The following STARD9 variants were observed in gnomAD, a reference collection of about 807,000 sequenced individuals.
STARD9 encodes the protein StAR related lipid transfer domain containing 9, also known as stAR-related lipid transfer protein 9.
A neutral mutation model predicts 399.8 loss-of-function variants in STARD9; 346 were observed. The observed-to-expected ratio is 0.87, with a 90% CI of 0.79 to 0.95. The LOEUF (loss-of-function observed/expected upper bound fraction) is 0.95, where lower values mean the gene tolerates loss of function less well. Ranked by LOEUF, STARD9 falls within the 40% of genes least tolerant of loss-of-function variation. The pLI is 0.00. For synonymous variants in STARD9, 2,203 were observed against 2,143.5 expected (o/e 1.03, Z -0.77); for missense variants, 5,832 against 5,667.5 (o/e 1.03, Z -0.93).
chr15:42,674,328 G>A (rs1355566344), intron 16 of STARD9, 112 bp from the exon 17 acceptor site: 2 of 863,262 alleles, frequency 2.3e-6, no homozygotes, highest in Non-Finnish European at 1.8e-6. Flanking sequence ...GGGATGAGAA[G>A]TGGTACAGAT....
At chr15:42,707,319 G>T (rs1223141116) in intron 26 of STARD9, among the ~76,000 whole-genome samples, 1 of 152,176 alleles carries the variant, frequency 6.6e-6, no homozygotes, top group South Asian at 2.1e-4. Flanking sequence ...GGCATTATTT[G>T]AAGTGGCAAT....
intron 9 of STARD9, among the ~76,000 whole-genome samples, chr15:42,653,274 A>C (rs2059800312): frequency 6.6e-6 from 1 of 152,214 alleles, no homozygotes; most frequent in Non-Finnish European, 1.5e-5. Flanking sequence ...GTCAAGTCAT[A>C]TCCCCAAAAA....
chr15:42,677,445 C>T (rs1206803993), intron 20 of STARD9, among the ~76,000 whole-genome samples: 1 of 152,188 alleles, frequency 6.6e-6, no homozygotes, highest in Non-Finnish European at 1.5e-5. Flanking sequence ...ACAAGGTGGA[C>T]TCAGGACTTA....
At chr15:42,601,394 G>A (rs971550458) in intron 3 of STARD9, among the ~76,000 whole-genome samples, 14 of 152,062 alleles carry the variant, frequency 9.2e-5, no homozygotes, top group African/African-American at 3.4e-4. Flanking sequence ...CCTCCCGACG[G>A]GGTGGCGGCC....
chr15:42,713,040 G>A (rs2061279068), intron 26 of STARD9, among the ~76,000 whole-genome samples: 1 of 152,214 alleles, frequency 6.6e-6, no homozygotes, highest in Non-Finnish European at 1.5e-5. Flanking sequence ...AATTGGGGGA[G>A]CATTGCTATC....
At chr15:42,712,383 C>T (rs565180029) in intron 26 of STARD9, among the ~76,000 whole-genome samples, 1 of 151,158 alleles carries the variant, frequency 6.6e-6, no homozygotes, top group South Asian at 2.1e-4. Context: ...ATCTAAGAAA[C>T]GAGTGCCTAA....
At chr15:42,705,218 G>A (rs1420351604) in intron 26 of STARD9, among the ~76,000 whole-genome samples, 2 of 152,170 alleles carry the variant, frequency 1.3e-5, no homozygotes, top group Non-Finnish European at 2.9e-5. Context: ...GTTGGGGAAG[G>A]GTTGGTACAG....
intron 7 of STARD9, among the ~76,000 whole-genome samples, chr15:42,649,581 C>T (rs1418390370): frequency 2.1e-5 from 3 of 142,928 alleles, no homozygotes; most frequent in Admixed American, 1.4e-4. Flanking sequence ...TTTTTTGAAA[C>T]GAAGTTTTGC....
intron 1 of STARD9, chr15:42,581,638 C>G (rs2058173618): frequency 1.6e-6 from 1 of 624,368 alleles, no homozygotes; most frequent in Non-Finnish European, 2.8e-6. Flanking sequence ...GCCCCTGCCG[C>G]CAGCCGATCC....
At chr15:42,661,119 T>C (rs1363700259) in intron 9 of STARD9, 39 bp from the exon 10 acceptor site, 1 of 1,430,714 alleles carries the variant, frequency 7.0e-7, no homozygotes, top group South Asian at 1.2e-5. Context: ...ACAATACAAA[T>C]CGTTCCAAAT....
chr15:42,711,614 C>T (rs551486728), intron 26 of STARD9, among the ~76,000 whole-genome samples: 1 of 152,254 alleles, frequency 6.6e-6, no homozygotes, highest in Admixed American at 6.5e-5. Flanking sequence ...GTGATTTAAC[C>T]CACAACAAGG....
intron 3 of STARD9, among the ~76,000 whole-genome samples, chr15:42,593,856 G>C (rs1206059753): frequency 1.3e-5 from 2 of 151,504 alleles, no homozygotes; most frequent in African/African-American, 2.4e-5. Flanking sequence ...TTTTAGTAGA[G>C]ACGGGGTTTC....
chr15:42,660,507 G>A (rs1483858945), intron 9 of STARD9, among the ~76,000 whole-genome samples: 1 of 151,524 alleles, frequency 6.6e-6, no homozygotes, highest in Non-Finnish European at 1.5e-5. Context: ...AGAGGTTGCA[G>A]TGGGCCGAGA....
At position 42,646,840 on chromosome 15, in the gene STARD9, GC is replaced by G. The variant is rs532640831; in HGVS notation, c.560-4175del. 5.9e-5 allele frequency among the ~76,000 whole-genome samples: 9 copies of G among 152,232 alleles called. No individual in the cohort carries two copies. The East Asian group carries it at 9.7e-4, about 16-fold the overall frequency. On this transcript the variant is annotated intron_variant, in intron 7 of 32. Coordinates refer to ENST00000290607, the MANE Select transcript of STARD9 (RefSeq NM_020759.3). ...TCCTTGCTAAACTTCAGCGTTTCTA[GC>G]TTTTGATTTAAAATGAGAGACTCTT...
chr15:42,711,407 C>T (rs1331511652), intron 26 of STARD9, among the ~76,000 whole-genome samples: 2 of 152,224 alleles, frequency 1.3e-5, no homozygotes, highest in Non-Finnish European at 2.9e-5. Context: ...TCCCAAAGTG[C>T]TGGGATTACA....
intron 7 of STARD9, among the ~76,000 whole-genome samples, chr15:42,642,180 G>A (rs536662900): frequency 8.1e-4 from 123 of 152,250 alleles, no homozygotes; most frequent in African/African-American, 2.9e-3. Flanking sequence ...AATTTATTGA[G>A]TACCTACAAG....
intron 2 of STARD9, 147 bp from the exon 3 acceptor site, chr15:42,585,374 G>T: frequency 1.8e-6 from 1 of 545,042 alleles, no homozygotes; most frequent in Non-Finnish European, 3.3e-6. Context: ...TGGAGAGAAA[G>T]ATTACCTTTT....
intron 1 of STARD9, chr15:42,581,331 A>G (rs1180235599): frequency 1.5e-6 from 2 of 1,317,844 alleles, no homozygotes; most frequent in Non-Finnish European, 2.2e-6. Context: ...TCTATCATAA[A>G]TGATTTGAGT....
intron 26 of STARD9, among the ~76,000 whole-genome samples, chr15:42,701,520 T>C (rs1595806054): frequency 6.6e-6 from 1 of 152,212 alleles, no homozygotes; most frequent in East Asian, 1.9e-4. Flanking sequence ...GGGATTGTGT[T>C]CTTGCTTTCC....
Sources: allele counts gnomAD v4.1 joint callset (sites outside exome capture counted in the v4.1 genomes callset), GRCh38; gene constraint gnomAD v4.1.1; transcripts MANE v1.5; gene names NCBI Gene and HGNC (gene_info 2026-07-23, HGNC 2026-07-21).